Variants in TRPM6 observed in about 807,000 individuals in gnomAD.
TRPM6 encodes the protein transient receptor potential cation channel subfamily M member 6.
TRPM6 carries 111 observed loss-of-function variants against 247.6 expected under a neutral mutation model. The observed-to-expected ratio is 0.45, with a 90% CI of 0.38 to 0.52. The LOEUF (loss-of-function observed/expected upper bound fraction) is 0.52, where lower values mean the gene tolerates loss of function less well. Among genes scored for constraint, TRPM6 ranks in the 20% least tolerant of loss-of-function variants. The pLI is 0.00. For missense variants in TRPM6, 2,126 were observed against 2,421.5 expected, an observed-to-expected ratio of 0.88 and a Z score of 2.56; for synonymous variants, 892 against 853.8, an observed-to-expected ratio of 1.04 and a Z score of -0.78.
Position 74,788,812 on chromosome 9 carries a change from TG to T in TRPM6, c.2539-71del, listed in dbSNP as rs550739096. 355 of 1,583,912 alleles carry T rather than the reference TG, an allele frequency of 2.2e-4. 1 individual carries two copies. In the African/African-American group the frequency reaches 3.3e-3, roughly 15 times the overall value. ...ATGGAGCATGCCAAGGAGACGCAGA[TG>T]GAGCAGAAACCCAGGCATGAACTTC... On this transcript the variant is annotated intron_variant, in intron 19 of 38. Transcript: ENST00000360774.
At chr9:74,794,715 G>T (rs1243530407) in intron 18 of TRPM6, among the ~76,000 whole-genome samples, 1 of 152,060 alleles carries the variant, frequency 6.6e-6, no homozygotes, top group Non-Finnish European at 1.5e-5. Context: ...TGCTGATCGG[G>T]CCTGTCTCTG....
intron 33 of TRPM6, among the ~76,000 whole-genome samples, chr9:74,741,687 T>C (rs912440213): frequency 6.6e-6 from 1 of 151,854 alleles, no homozygotes; most frequent in African/African-American, 2.4e-5. Flanking sequence ...GTTAGGAGTT[T>C]GAGACCAGCC....
intron 5 of TRPM6, among the ~76,000 whole-genome samples, chr9:74,838,730 G>C (rs1829811270): frequency 6.7e-6 from 1 of 150,148 alleles, no homozygotes; most frequent in Non-Finnish European, 1.5e-5. Flanking sequence ...ATCTCGTGTA[G>C]ATCTTAAAAC....
At chr9:74,813,598 A>G (rs1828814703) in intron 11 of TRPM6, among the ~76,000 whole-genome samples, 1 of 152,220 alleles carries the variant, frequency 6.6e-6, no homozygotes, top group African/African-American at 2.4e-5. Context: ...AATGGCAGTC[A>G]GATCACCCTA....
Position 74,842,180 on chromosome 9 carries a change from T to G in TRPM6, c.316A>C (p.Thr106Pro), listed in dbSNP as rs1587568299. The change falls in exon 4 of 39, where the codon ACC (threonine) becomes CCC (proline). Residue 106 changes from threonine (T) to proline (P), a missense_variant. Transcript: ENST00000360774. ...GTINFQDGEHTHHAKYIRTSY... is the reference protein window; with the variant it reads ...GTINFQDGEHPHHAKYIRTSY... Reference sequence around the variant, plus strand: ...TATTAGCAAACCTTGGCATGATGGGTGTGCTCTCCATCTTGGAAATTAATC... The same window carrying G: ...TATTAGCAAACCTTGGCATGATGGGGGTGCTCTCCATCTTGGAAATTAATC... 1 of 1,613,720 alleles carries G rather than the reference T, an allele frequency of 6.2e-7. No individual in the cohort carries two copies. The highest frequency in any genetic ancestry group is 1.7e-4 in the Middle Eastern group (1 of 6,010).
At chr9:74,754,421 T>C (rs952144915) in intron 28 of TRPM6, among the ~76,000 whole-genome samples, 2 of 152,196 alleles carry the variant, frequency 1.3e-5, no homozygotes, top group African/African-American at 4.8e-5. Flanking sequence ...CCGTTCATTG[T>C]AAGATGTTTA....
At chr9:74,787,177 A>G (rs1197183406) in intron 20 of TRPM6, among the ~76,000 whole-genome samples, 1 of 152,128 alleles carries the variant, frequency 6.6e-6, no homozygotes, top group Non-Finnish European at 1.5e-5. Context: ...TCTGCTAAAA[A>G]TACAAAAATT....
chr9:74,867,427 C>T (rs752053584), intron 1 of TRPM6, among the ~76,000 whole-genome samples: 87 of 152,152 alleles, frequency 5.7e-4, no homozygotes, highest in Admixed American at 1.8e-3. Flanking sequence ...CAAGAATATA[C>T]CATTCCCCAG....
chr9:74,861,540 T>C (rs1273230509), intron 1 of TRPM6, among the ~76,000 whole-genome samples: 1 of 152,216 alleles, frequency 6.6e-6, no homozygotes, highest in Non-Finnish European at 1.5e-5. Context: ...TCTTTCAAAA[T>C]GCTGAATGGC....
chr9:74,788,215 G>A (rs1380385966), intron 20 of TRPM6, among the ~76,000 whole-genome samples: 1 of 152,026 alleles, frequency 6.6e-6, no homozygotes, highest in Non-Finnish European at 1.5e-5. Context: ...AGATGAAATT[G>A]ATAATATGAA....
chr9:74,801,794 G>T (rs1038011971), intron 16 of TRPM6, 104 bp downstream of exon 16: 1 of 1,404,080 alleles, frequency 7.1e-7, no homozygotes, highest in South Asian at 1.2e-5. Context: ...AATGCATGGC[G>T]GTAAGTCCAT....
Position 74,796,905 on chromosome 9 carries a change from A to G in TRPM6, c.2239-12T>C. On this transcript the variant is annotated splice_polypyrimidine_tract_variant and intron_variant, in intron 17 of 38. Coordinates refer to ENST00000360774, the MANE Select transcript of TRPM6 (RefSeq NM_017662.5). Reference sequence around the variant, plus strand: ...ATGCTTATAATAATCTGTAAAAGAAAAAAAAGCAAAACAAAGTAGTAGGGA... The same window carrying G: ...ATGCTTATAATAATCTGTAAAAGAAGAAAAAGCAAAACAAAGTAGTAGGGA... 6.2e-7 allele frequency: 1 copy of G among 1,611,232 alleles called. No individual in the cohort carries two copies.
chr9:74,758,436 G>T (rs921033901), intron 27 of TRPM6, among the ~76,000 whole-genome samples: 1 of 152,104 alleles, frequency 6.6e-6, no homozygotes, highest in Admixed American at 6.5e-5. Flanking sequence ...ACCAAGTGGG[G>T]TTTATCCCAG....
At chr9:74,882,695 G>T (rs1831400928) in intron 1 of TRPM6, among the ~76,000 whole-genome samples, 1 of 152,190 alleles carries the variant, frequency 6.6e-6, no homozygotes, top group South Asian at 2.1e-4. Context: ...ATGGAAAACA[G>T]TAATGGAGGT....
At position 74,724,237 on chromosome 9, in the gene TRPM6, C is replaced by T. The variant is rs1825239664; in HGVS notation, c.*376G>A. 3.3e-6 allele frequency: 1 copy of T among 304,838 alleles called. No homozygotes were observed. Among genetic ancestry groups the T allele is most frequent in the Non-Finnish European group, 6.3e-6 (1 of 158,150 alleles). 18.9% of individuals were successfully genotyped at this position (304,838 alleles called of 1,614,324 possible). A position where few individuals can be genotyped will look rare whatever the true frequency, so the allele number is the denominator to read the frequency against. ...GACAAATAGTAGTAGGGGGTCCAGT[C>T]TGCATACATAGTGAGAAAATAAAAT... On this transcript the variant is annotated 3_prime_UTR_variant, in exon 39 of 39. Coordinates refer to ENST00000360774, the MANE Select transcript of TRPM6 (RefSeq NM_017662.5).
At chr9:74,752,875 G>A (rs908031411) in intron 28 of TRPM6, among the ~76,000 whole-genome samples, 8 of 152,128 alleles carry the variant, frequency 5.3e-5, no homozygotes, top group African/African-American at 1.9e-4. Context: ...CACTTTGGGA[G>A]GCCAAGGCGG....
Position 74,832,689 on chromosome 9 carries a change from G to A in TRPM6, c.669+1309C>T, listed in dbSNP as rs371646907. 2.6e-5 allele frequency among the ~76,000 whole-genome samples: 4 copies of A among 152,232 alleles called. No individual in the cohort carries two copies. The South Asian group carries it at 8.3e-4, about 32-fold the overall frequency. On this transcript the variant is annotated intron_variant, in intron 6 of 38. Transcript: ENST00000360774. ...CTGGTAACTGTTGAAGCTGGAGATAGGTACATAGAAAAGAGTTCATTTTTC... is the reference window on the plus strand; with the variant it reads ...CTGGTAACTGTTGAAGCTGGAGATAAGTACATAGAAAAGAGTTCATTTTTC...
intron 9 of TRPM6, among the ~76,000 whole-genome samples, chr9:74,818,039 T>C (rs977666136): frequency 1.3e-5 from 2 of 152,212 alleles, no homozygotes; most frequent in South Asian, 4.1e-4. Context: ...GCCCTCTATG[T>C]GCACGAATAA....
chr9:74,880,269 G>C (rs1427802084), intron 1 of TRPM6, among the ~76,000 whole-genome samples: 1 of 152,086 alleles, frequency 6.6e-6, no homozygotes, highest in Admixed American at 6.6e-5. Flanking sequence ...AAAAGGAACA[G>C]AAAACCTATT....
Sources: gnomAD v4.1 joint callset for allele counts (sites outside exome capture counted in the v4.1 genomes callset) on GRCh38, gnomAD v4.1.1 for gene constraint, MANE v1.5 for transcripts, NCBI Gene and HGNC (gene_info 2026-07-23, HGNC 2026-07-21) for gene names.